Variants in EPB42 observed in about 807,000 individuals in gnomAD.
The protein encoded by EPB42 is erythrocyte membrane protein band 4.2.
EPB42 carries 49 observed loss-of-function variants against 76.9 expected under a neutral mutation model. The observed-to-expected ratio is 0.64, with a 90% CI of 0.51 to 0.81. The LOEUF is 0.81. EPB42 is among the 30% of genes least tolerant of loss of function. The probability of loss-of-function intolerance (pLI) is 0.00; values close to 1 mark genes in which losing one functional copy is unlikely to be tolerated. For missense variants in EPB42, 731 were observed against 867.6 expected (o/e 0.84, Z 1.98); for synonymous variants, 310 against 338.4 (o/e 0.92, Z 0.92).
At chr15:43,213,697 G>A (rs1472499450) in intron 3 of EPB42, among the ~76,000 whole-genome samples, 3 of 152,218 alleles carry the variant, frequency 2.0e-5, no homozygotes, top group East Asian at 1.9e-4. Flanking sequence ...TGCCAGTCAT[G>A]GAAAGTCAAA....
intron 1 of EPB42, 171 bp downstream of exon 1, chr15:43,220,645 C>CCA: frequency 9.1e-7 from 1 of 1,099,870 alleles, no homozygotes; most frequent in South Asian, 1.2e-5. Context: ...CACCCACCTA[C>CCA]CACACCCCCC....
chr15:43,216,419 T>C lies in EPB42; in HGVS notation c.45A>G (p.Ala15=). The C allele has an allele frequency of 6.2e-7, 1 of 1,614,232 alleles. No homozygotes were observed. Among genetic ancestry groups the C allele is most frequent in the Non-Finnish European group, 8.5e-7 (1 of 1,180,042 alleles). Residue 15 remains alanine (A), a synonymous_variant, in exon 2 of 13, where the codon GCA becomes GCG. Transcript: ENST00000441366. ...TGGTGTGGTGCTCCTCATTGTTTCTTGCTGCCTGAAAGTCACAGCTCTTGA... is the reference window on the plus strand; with the variant it reads ...TGGTGTGGTGCTCCTCATTGTTTCTCGCTGCCTGAAAGTCACAGCTCTTGA... ...LGIKSCDFQA[A]RNNEEHHTKA...
Position 43,206,596 on chromosome 15 carries a change from A to T in EPB42, c.1352T>A (p.Val451Asp). 6.2e-7 allele frequency: 1 copy of T among 1,613,722 alleles called. No individual in the cohort carries two copies. Among genetic ancestry groups the T allele is most frequent in the Non-Finnish European group, 8.5e-7 (1 of 1,179,952 alleles). ...CTCACGTTCCATTTTCTCTTTCTCG[A>T]CTCTCTCCAGCACCTCTTTTTCCTG... Reference protein sequence around the residue: ...SLQEKEVLERVEKEKMEREKD... With the variant: ...SLQEKEVLERDEKEKMEREKD... The change falls in exon 10 of 13, where the codon GTC (valine) becomes GAC (aspartate). Residue 451 changes from valine (V) to aspartate (D), a missense_variant. By Grantham distance (152) the Val-to-Asp change is radical. Transcript: ENST00000441366. This position sits in a 1 kb window ranked among gnomAD's most constrained non-coding sequence, Gnocchi z 4.7.
At chr15:43,215,005 C>T in intron 3 of EPB42, 90 bp downstream of exon 3, 3 of 1,110,016 alleles carry the variant, frequency 2.7e-6, no homozygotes, top group Non-Finnish European at 4.0e-6. Context: ...GCCACAGGGG[C>T]CTGGTGCAGG....
intron 10 of EPB42, among the ~76,000 whole-genome samples, chr15:43,205,529 A>G (rs1364163551): frequency 6.6e-6 from 1 of 152,070 alleles, no homozygotes; most frequent in Non-Finnish European, 1.5e-5. Flanking sequence ...TCTCCCCAGT[A>G]GCTGGGATTA....
At chr15:43,221,579 T>A (rs1326015334), upstream of EPB42, among the ~76,000 whole-genome samples, 3 of 151,992 alleles carry the variant, frequency 2.0e-5, no homozygotes, top group Non-Finnish European at 4.4e-5. Flanking sequence ...AAGAGAAGGA[T>A]CTCATATTTG....
intron 3 of EPB42, among the ~76,000 whole-genome samples, chr15:43,214,160 A>G (rs1312751576): frequency 6.6e-6 from 1 of 152,242 alleles, no homozygotes; most frequent in Non-Finnish European, 1.5e-5. Context: ...CAGGGAGCCC[A>G]AGGTTGAAGG....
intron 1 of EPB42, 49 bp from the exon 2 acceptor site, chr15:43,216,502 G>T: frequency 6.3e-7 from 1 of 1,589,156 alleles, no homozygotes; most frequent in Non-Finnish European, 8.6e-7. Flanking sequence ...ATGTGACAAT[G>T]TAAGTACAAG....
intron 9 of EPB42, 59 bp downstream of exon 9, chr15:43,207,140 C>T: frequency 3.7e-6 from 6 of 1,610,622 alleles, no homozygotes; most frequent in African/African-American, 1.3e-5. Flanking sequence ...AGGCCCATCC[C>T]TTTCCCTCGC....
intron 3 of EPB42, among the ~76,000 whole-genome samples, chr15:43,213,524 C>T (rs920492606): frequency 1.3e-5 from 2 of 152,188 alleles, no homozygotes; most frequent in Admixed American, 1.3e-4. Flanking sequence ...GGACTCCTGG[C>T]ACTGGAGTCA....
intron 1 of EPB42, among the ~76,000 whole-genome samples, chr15:43,220,390 A>C (rs1756813097): frequency 6.6e-6 from 1 of 152,018 alleles, no homozygotes. Flanking sequence ...CATGCTACCC[A>C]GGGTGTCTCT....
chr15:43,213,872 C>A (rs2142310434), intron 3 of EPB42, among the ~76,000 whole-genome samples: 1 of 152,320 alleles, frequency 6.6e-6, no homozygotes, highest in East Asian at 1.9e-4. Context: ...GAGAACGCTG[C>A]CCTGGACAGA....
rs377550774 is a variant in EPB42 at position 43,206,298 on chromosome 15, G to A, written c.1618+32C>T. The A allele has an allele frequency of 4.8e-5, 76 of 1,580,152 alleles. 1 individual carries two copies. The Middle Eastern group carries it at 1.2e-3, about 25-fold the overall frequency. ...CAGGGGCCATGTGTGTGTGTGTGTC[G>A]GGGGGTGTCTGGTGGGGCCATAGAG... is the stretch of plus-strand genomic sequence containing the variant. On this transcript the variant is annotated intron_variant, in intron 10 of 12. Transcript: ENST00000441366. This position sits in a 1 kb window ranked among gnomAD's most constrained non-coding sequence, Gnocchi z 4.7.
intron 1 of EPB42, among the ~76,000 whole-genome samples, chr15:43,220,498 A>G (rs1252528631): frequency 6.6e-6 from 1 of 151,986 alleles, no homozygotes; most frequent in Non-Finnish European, 1.5e-5. Flanking sequence ...CCATCATACA[A>G]CTATCATGAC....
chr15:43,221,735 G>A (rs984964920), upstream of EPB42, among the ~76,000 whole-genome samples: 3 of 151,216 alleles, frequency 2.0e-5, no homozygotes, highest in African/African-American at 4.9e-5. Flanking sequence ...CTGGGCAGTG[G>A]GGTAGAAAGG....
In EPB42 at chr15:43,203,107, G is replaced by T; in HGVS notation, c.1779+8C>A. The T allele has an allele frequency of 6.2e-7, 1 of 1,614,032 alleles. No individual in the cohort carries two copies. Among genetic ancestry groups the T allele is most frequent in the South Asian group, 1.1e-5 (1 of 91,068 alleles). ...ACGAGGGCAACTCAGGGGAGGACTG[G>T]TGCCTACCTTGATGGCAAGGTGTGG... On this transcript the variant is annotated splice_region_variant and intron_variant, in intron 11 of 12. Transcript: ENST00000441366.
Position 43,220,859 on chromosome 15 carries a change from C to A in EPB42, c.-34G>T. On this transcript the variant is annotated 5_prime_UTR_variant, in exon 1 of 13. Transcript: ENST00000441366. Reference sequence around the variant, plus strand: ...GCCGCTCCTCTTATCCACTTGGCCGCAGAAAGCGCCTCTCTCAAACTGTTG... The same window carrying A: ...GCCGCTCCTCTTATCCACTTGGCCGAAGAAAGCGCCTCTCTCAAACTGTTG... The A allele has an allele frequency of 1.3e-6, 2 of 1,592,664 alleles. No individual in the cohort carries two copies. The highest frequency in any genetic ancestry group is 1.7e-6 in the Non-Finnish European group (2 of 1,166,688).
Position 43,207,193 on chromosome 15 carries a change from C to T in EPB42, c.1318+6G>A. 1.2e-6 allele frequency: 2 copies of T among 1,614,116 alleles called. No individual in the cohort carries two copies. The highest frequency in any genetic ancestry group is 2.2e-5 in the South Asian group (2 of 91,074). On this transcript the variant is annotated splice_donor_region_variant and intron_variant, in intron 9 of 12. Transcript: ENST00000441366. Reference sequence around the variant, plus strand: ...GAGAAGCCTGGGGCCCTTCCCTGGCCCGTACCTTCAGGATACTTGTAGTTC... The same window carrying T: ...GAGAAGCCTGGGGCCCTTCCCTGGCTCGTACCTTCAGGATACTTGTAGTTC...
At chr15:43,205,588 C>G (rs1010856726) in intron 10 of EPB42, among the ~76,000 whole-genome samples, 1 of 151,978 alleles carries the variant, frequency 6.6e-6, no homozygotes, top group Non-Finnish European at 1.5e-5. Flanking sequence ...TTAGTAGAGT[C>G]GGGGTTTCAC....
Sources: allele counts gnomAD v4.1 joint callset (sites outside exome capture counted in the v4.1 genomes callset), GRCh38; gene constraint gnomAD v4.1.1; non-coding constraint Gnocchi (gnomAD v3.1); transcripts MANE v1.5; gene names NCBI Gene and HGNC (gene_info 2026-07-23, HGNC 2026-07-21).